ERG: variants seen among roughly 807,000 people sequenced by gnomAD.
ERG encodes transcriptional regulator ERG.
A neutral mutation model predicts 55.3 loss-of-function variants in ERG; 9 were observed. The observed-to-expected ratio is 0.16, with a 90% confidence interval of 0.10 to 0.28. The LOEUF (loss-of-function observed/expected upper bound fraction) is 0.28. Among genes scored for constraint, ERG ranks in the 10% least tolerant of loss-of-function variants. The probability of loss-of-function intolerance (pLI) is 1.00; values close to 1 mark genes in which losing one functional copy is unlikely to be tolerated. For synonymous variants in ERG, 223 were observed against 237.3 expected, an observed-to-expected ratio of 0.94 and a Z score of 0.55; for missense variants, 434 against 631.6, an observed-to-expected ratio of 0.69 and a Z score of 3.35.
At chr21:38,616,566 C>T (rs1461384982) in intron 1 of ERG, among the ~76,000 whole-genome samples, 1 of 151,874 alleles carries the variant, frequency 6.6e-6, no homozygotes, top group Non-Finnish European at 1.5e-5. Context: ...TAGCACTATT[C>T]CAGGTATAAG....
chr21:38,392,785 CTCTT>C (rs1307574778), intron 6 of ERG, among the ~76,000 whole-genome samples: 2 of 152,180 alleles, frequency 1.3e-5, no homozygotes, highest in African/African-American at 2.4e-5. Context: ...CTACATCTGT[CTCTT>C]TATTATCTTC....
At chr21:38,555,354 T>C (rs924468773) in intron 2 of ERG, among the ~76,000 whole-genome samples, 13 of 151,840 alleles carry the variant, frequency 8.6e-5, no homozygotes, top group African/African-American at 1.2e-4. Context: ...AAACTATATA[T>C]TGAAAGACTA....
At chr21:38,492,487 A>G (rs2059345133) in intron 1 of ERG, among the ~76,000 whole-genome samples, 1 of 152,250 alleles carries the variant, frequency 6.6e-6, no homozygotes, top group African/African-American at 2.4e-5. Flanking sequence ...CTTCCTCTTT[A>G]TGATTTCAAA....
chr21:38,369,702 GTCCTGAA>G, the ERG span, among the ~76,000 whole-genome samples: 1 of 152,124 alleles, frequency 6.6e-6, no homozygotes, highest in African/African-American at 2.4e-5. Flanking sequence ...CTGTGCCTAT[GTCCTGAA>G]TGATATTGCC....
upstream of ERG, chr21:38,498,651 TA>T (rs930569619): frequency 2.3e-5 from 7 of 309,908 alleles, no homozygotes; most frequent in Non-Finnish European, 3.3e-5. The surrounding 1 kb of genome is among the most constrained non-coding windows in gnomAD (Gnocchi z 4.6). Flanking sequence ...TTTTTTTAAT[TA>T]AAAAAAGAAA....
chr21:38,434,281 T>C (rs184754301), intron 2 of ERG, among the ~76,000 whole-genome samples: 69 of 152,326 alleles, frequency 4.5e-4, no homozygotes, highest in African/African-American at 1.5e-3. Flanking sequence ...CCATGTGCTC[T>C]GTGCTCAAAG....
chr21:38,488,840 T>C (rs753112181), intron 1 of ERG, among the ~76,000 whole-genome samples: 15 of 152,234 alleles, frequency 9.9e-5, no homozygotes, highest in Non-Finnish European at 1.8e-4. Context: ...GACAAGTCTA[T>C]TCTAGTCTAA....
chr21:38,465,774 CA>C (rs2059083184), intron 1 of ERG, among the ~76,000 whole-genome samples: 1 of 152,112 alleles, frequency 6.6e-6, no homozygotes, highest in Admixed American at 6.6e-5. Flanking sequence ...TAAGTTTTGC[CA>C]CACGTGCAAT....
chr21:38,581,147 G>A (rs1355270189), intron 1 of ERG, among the ~76,000 whole-genome samples: 1 of 152,158 alleles, frequency 6.6e-6, no homozygotes. Context: ...CCAGCACCTG[G>A]GGCATGTCCT....
At chr21:38,445,049 C>G (rs1014231533) in intron 2 of ERG, among the ~76,000 whole-genome samples, 1 of 152,144 alleles carries the variant, frequency 6.6e-6, no homozygotes, top group Admixed American at 6.5e-5. Flanking sequence ...TTTACAAACT[C>G]CATCCTCTAC....
rs10546014 is a variant in ERG, at chr21:38,380,799, GAATAT to G, written c.*2599_*2603del. ...CTAATGGAAAACATCTGTTAAAATTGAATATGATAATCATGTCTTGTTTTTATGAT... is the reference window on the plus strand; with the variant it reads ...CTAATGGAAAACATCTGTTAAAATTGGATAATCATGTCTTGTTTTTATGAT... On this transcript the variant is annotated 3_prime_UTR_variant, in exon 10 of 10. Transcript: ENST00000288319. 280,617 of 1,063,536 alleles carry G rather than the reference GAATAT, an allele frequency of 0.26. 38,751 individuals carry two copies. The highest frequency in any genetic ancestry group is 0.46 in the African/African-American group (27,757 of 60,890). 65.9% of individuals were successfully genotyped at this position (1,063,536 alleles called of 1,614,324 possible).
downstream of ERG, among the ~76,000 whole-genome samples, chr21:38,377,947 T>C (rs1275114850): frequency 6.6e-6 from 1 of 152,208 alleles, no homozygotes; most frequent in Non-Finnish European, 1.5e-5. Flanking sequence ...AGTTCATTTA[T>C]CCCATCAGTT....
At chr21:38,508,618 T>C (rs1352623740) in intron 2 of ERG, among the ~76,000 whole-genome samples, 1 of 152,222 alleles carries the variant, frequency 6.6e-6, no homozygotes, top group Non-Finnish European at 1.5e-5. Context: ...GGCAACTGGG[T>C]TGGTTTCACA....
intron 2 of ERG, among the ~76,000 whole-genome samples, chr21:38,523,227 A>G (rs1034790546): frequency 3.3e-5 from 5 of 152,200 alleles, no homozygotes; most frequent in African/African-American, 9.6e-5. Flanking sequence ...TAATGTTTCT[A>G]TCCTGCCTGT....
chr21:38,447,716 C>A (rs2058904969), intron 1 of ERG, among the ~76,000 whole-genome samples: 1 of 151,976 alleles, frequency 6.6e-6, no homozygotes, highest in South Asian at 2.1e-4. Context: ...ATACTCCCTT[C>A]CCATGGTGGC....
the ERG span, among the ~76,000 whole-genome samples, chr21:38,374,822 T>G: frequency 6.6e-6 from 1 of 152,190 alleles, no homozygotes; most frequent in African/African-American, 2.4e-5. Context: ...CTTGGCCTTA[T>G]ATTGTTTTTT....
intron 2 of ERG, among the ~76,000 whole-genome samples, chr21:38,440,199 T>TGGGCCAG (rs1384299952): frequency 6.6e-6 from 1 of 152,214 alleles, no homozygotes; most frequent in Non-Finnish European, 1.5e-5. Context: ...AAGAAGCTAT[T>TGGGCCAG]GGGCCAGGGG....
intron 4 of ERG, 92 bp from the exon 5 acceptor site, chr21:38,402,729 A>AG: frequency 1.3e-6 from 1 of 795,226 alleles, no homozygotes; most frequent in Non-Finnish European, 1.9e-6. Context: ...AAAAAAAAAA[A>AG]AAGAAAGAAA....
chr21:38,570,881 G>A (rs534654156), intron 2 of ERG, among the ~76,000 whole-genome samples: 1 of 152,206 alleles, frequency 6.6e-6, no homozygotes, highest in South Asian at 2.1e-4. Context: ...CATTCCATCG[G>A]CTCCAAAATG....
Sources: allele counts gnomAD v4.1 joint callset (sites outside exome capture counted in the v4.1 genomes callset), GRCh38; gene constraint gnomAD v4.1.1; non-coding constraint Gnocchi (gnomAD v3.1); transcripts MANE v1.5; gene names NCBI Gene and HGNC (gene_info 2026-07-23, HGNC 2026-07-21).